DENND2B: variants seen among roughly 807,000 people sequenced by gnomAD.
DENND2B encodes the protein DENN domain-containing protein 2B.
DENND2B carries 32 observed loss-of-function variants against 116.0 expected under a neutral mutation model. That is an observed-to-expected ratio of 0.28 (90% CI 0.21 to 0.37). The LOEUF (loss-of-function observed/expected upper bound fraction) is 0.37, where lower values mean the gene tolerates loss of function less well. DENND2B is among the 10% of genes least tolerant of loss of function. DENND2B has a pLI of 1.00. For missense variants in DENND2B, 1,276 were observed against 1,477.7 expected (o/e 0.86, Z 2.24); for synonymous variants, 588 against 583.9 (o/e 1.01, Z -0.10).
intron 2 of DENND2B, among the ~76,000 whole-genome samples, chr11:8,860,837 G>T (rs372087066): frequency 1.1e-4 from 16 of 152,274 alleles, no homozygotes; most frequent in African/African-American, 3.6e-4. Flanking sequence ...TATAAATGTA[G>T]ATACACAGAC....
intron 3 of DENND2B, among the ~76,000 whole-genome samples, chr11:8,728,904 G>C (rs1240097956): frequency 1.3e-5 from 2 of 152,192 alleles, no homozygotes; most frequent in Non-Finnish European, 2.9e-5. Flanking sequence ...GGATGAACAA[G>C]GACAAAGCAA....
Position 8,730,331 on chromosome 11 carries a change from A to G in DENND2B, c.959T>C (p.Leu320Ser). 2 of 1,601,192 alleles carry G rather than the reference A, an allele frequency of 1.2e-6. No homozygotes were observed. Among genetic ancestry groups the G allele is most frequent in the Non-Finnish European group, 1.7e-6 (2 of 1,177,706 alleles). ...CCCTGCCGGCTCCTCCAAGGAGCCC[A>G]AGGTTCCAGTCTTCCTTTTCCCCCG... The part of the protein sequence containing the change: ...VDRGKRKTGT[L>S]GSLEEPAGGA... The change falls in exon 3 of 20, where the codon TTG becomes TCG. Residue 320 changes from leucine to serine, a missense_variant. Transcript: ENST00000313726. This position sits in a 1 kb window ranked among gnomAD's most constrained non-coding sequence, Gnocchi z 4.1.
At chr11:8,856,754 T>TC (rs1193354147) in intron 3 of DENND2B, among the ~76,000 whole-genome samples, 1 of 147,288 alleles carries the variant, frequency 6.8e-6, no homozygotes, top group Non-Finnish European at 1.5e-5. Context: ...ACTATTTTCT[T>TC]TTTTTTTTTT....
intron 2 of DENND2B, among the ~76,000 whole-genome samples, chr11:8,739,431 G>A (rs1051251851): frequency 4.6e-5 from 7 of 152,222 alleles, no homozygotes; most frequent in African/African-American, 1.7e-4. Flanking sequence ...TCACACACCA[G>A]CTGTGTGGCT....
chr11:8,727,082 GGTAC>G (rs1281041699), intron 3 of DENND2B, among the ~76,000 whole-genome samples: 3 of 152,138 alleles, frequency 2.0e-5, no homozygotes, highest in Non-Finnish European at 4.4e-5. Flanking sequence ...TCATGAGAGA[GGTAC>G]GTCCCTCATC....
chr11:8,825,565 AC>A (rs939169164), intron 4 of DENND2B, among the ~76,000 whole-genome samples: 2 of 152,084 alleles, frequency 1.3e-5, no homozygotes, highest in African/African-American at 4.8e-5. Context: ...CATCATGGTT[AC>A]CCTTTTTATC....
At chr11:8,799,449 C>A (rs1016313818) in intron 1 of DENND2B, among the ~76,000 whole-genome samples, 1 of 152,180 alleles carries the variant, frequency 6.6e-6, no homozygotes, top group Non-Finnish European at 1.5e-5. Flanking sequence ...TCAGAACATA[C>A]CAGCCAGAGT....
chr11:8,746,588 G>A (rs561804006), intron 2 of DENND2B, among the ~76,000 whole-genome samples: 1 of 152,214 alleles, frequency 6.6e-6, no homozygotes, highest in Non-Finnish European at 1.5e-5. Flanking sequence ...GAATGCAGAG[G>A]AGGGAGGGAT....
chr11:8,803,868 G>A (rs1340598620), intron 1 of DENND2B, among the ~76,000 whole-genome samples: 1 of 152,212 alleles, frequency 6.6e-6, no homozygotes, highest in Non-Finnish European at 1.5e-5. Flanking sequence ...AAGGGTACAA[G>A]GGCAGTATTT....
intron 4 of DENND2B, among the ~76,000 whole-genome samples, chr11:8,817,920 G>A (rs2061627106): frequency 6.6e-6 from 1 of 151,784 alleles, no homozygotes; most frequent in Non-Finnish European, 1.5e-5. Flanking sequence ...ACTGGATCAA[G>A]GAAGCAATAC....
chr11:8,788,042 C>T (rs377543397), intron 1 of DENND2B, among the ~76,000 whole-genome samples: 2 of 152,188 alleles, frequency 1.3e-5, no homozygotes, highest in East Asian at 3.9e-4. Flanking sequence ...GCATCAAGGG[C>T]TTTCTAGATG....
chr11:8,877,204 T>C (rs1483603614), intron 2 of DENND2B, among the ~76,000 whole-genome samples: 2 of 147,324 alleles, frequency 1.4e-5, no homozygotes, highest in African/African-American at 2.5e-5. Context: ...CCCGGGTTCA[T>C]GCCATTCTCC....
In DENND2B at chr11:8,759,813, G is replaced by C. The variant is rs866686757; in HGVS notation, c.-25-9088C>G. On this transcript the variant is annotated intron_variant, in intron 1 of 19. Coordinates refer to ENST00000313726, the MANE Select transcript of DENND2B (RefSeq NM_213618.2). ...GCACCTCTCCTCATCCATGGGCCCTGGCCAAGGACATGAGGAACAGACTGG... is the reference window on the plus strand; with the variant it reads ...GCACCTCTCCTCATCCATGGGCCCTCGCCAAGGACATGAGGAACAGACTGG... 2.4e-4 allele frequency among the ~76,000 whole-genome samples: 37 copies of C among 152,202 alleles called. 1 individual carries two copies. Among genetic ancestry groups the C allele is most frequent in the African/African-American group, 8.2e-4 (34 of 41,444 alleles).
At chr11:8,899,926 A>C (rs2064143939) in intron 1 of DENND2B, among the ~76,000 whole-genome samples, 1 of 152,226 alleles carries the variant, frequency 6.6e-6, no homozygotes, top group Admixed American at 6.6e-5. Flanking sequence ...ATATAACAGC[A>C]TGAGAAGGGG....
At position 8,763,519 on chromosome 11, in the gene DENND2B, T is replaced by C. The variant is rs555584654; in HGVS notation, c.-25-12794A>G. On this transcript the variant is annotated intron_variant, in intron 1 of 19. Coordinates refer to ENST00000313726, the MANE Select transcript of DENND2B (RefSeq NM_213618.2). ...AATCAGAAGAAGAGAAGGCAAATTT[T>C]GGTATTTTACATAATGATTACTATA... is the stretch of plus-strand genomic sequence containing the variant. Among the ~76,000 whole-genome samples the C allele has an allele frequency of 3.8e-4, 57 of 151,852 alleles. 2 individuals carry two copies. The South Asian group carries it at 0.011, about 30-fold the overall frequency.
In DENND2B at chr11:8,885,045, T is replaced by C. The variant is rs117435140; in HGVS notation, c.-255-3936A>G. 4.6e-3 allele frequency among the ~76,000 whole-genome samples: 699 copies of C among 152,368 alleles called. 23 individuals are homozygous for C. In the East Asian group the frequency reaches 0.085, roughly 19 times the overall value. On this transcript the variant is annotated intron_variant, in intron 1 of 22. Transcript: ENST00000534127. ...ATTCTTCCCCATCTACCAATCCCAT[T>C]GGTACCTGTGTGACAACCTCCTCCG...
At chr11:8,800,255 G>A (rs890562721) in intron 1 of DENND2B, among the ~76,000 whole-genome samples, 1 of 152,050 alleles carries the variant, frequency 6.6e-6, no homozygotes, top group Non-Finnish European at 1.5e-5. Flanking sequence ...CATTGTGTCC[G>A]GCCTTTACCA....
intron 4 of DENND2B, among the ~76,000 whole-genome samples, chr11:8,834,112 G>A (rs1465105680): frequency 3.3e-5 from 5 of 152,190 alleles, no homozygotes; most frequent in Admixed American, 3.3e-4. Context: ...GGAACGGGAT[G>A]ACACATGCTG....
chr11:8,797,958 C>T (rs1240124778), intron 1 of DENND2B, among the ~76,000 whole-genome samples: 1 of 152,160 alleles, frequency 6.6e-6, no homozygotes, highest in Non-Finnish European at 1.5e-5. Flanking sequence ...GTTCCCTTTT[C>T]CAGAAAGGAA....
Sources: allele counts gnomAD v4.1 joint callset (sites outside exome capture counted in the v4.1 genomes callset), GRCh38; gene constraint gnomAD v4.1.1; non-coding constraint Gnocchi (gnomAD v3.1); transcripts MANE v1.5; gene names NCBI Gene and HGNC (gene_info 2026-07-23, HGNC 2026-07-21).